Variants in CSMD1 observed in about 807,000 individuals in gnomAD.
CSMD1 encodes the protein CUB and sushi domain-containing protein 1.
A neutral mutation model predicts 417.5 loss-of-function variants in CSMD1; 213 were observed. The ratio of observed to expected loss-of-function variants is 0.51; its 90% CI spans 0.46 to 0.57. The LOEUF is 0.57. Among genes scored for constraint, CSMD1 ranks in the 20% least tolerant of loss-of-function variants. The pLI, the probability that CSMD1 is intolerant of heterozygous loss-of-function variation, is 0.00. For synonymous variants in CSMD1, 2,862 were observed against 1,736.8 expected (o/e 1.65, Z -16.11); for missense variants, 6,923 against 4,529.7 (o/e 1.53, Z -15.17).
At chr8:3,049,090 C>T (rs1019513242) in intron 50 of CSMD1, among the ~76,000 whole-genome samples, 10 of 152,110 alleles carry the variant, frequency 6.6e-5, no homozygotes, top group African/African-American at 2.4e-4. Flanking sequence ...ACCAGATGCT[C>T]GCGACAACGT....
intron 5 of CSMD1, among the ~76,000 whole-genome samples, chr8:3,754,499 G>A (rs1382590021): frequency 6.6e-6 from 1 of 151,874 alleles, no homozygotes; most frequent in South Asian, 2.1e-4. Context: ...GTGTCATCCA[G>A]GCTGGAGGGC....
chr8:3,400,132 T>C (rs1172435977), intron 15 of CSMD1, among the ~76,000 whole-genome samples: 1 of 152,136 alleles, frequency 6.6e-6, no homozygotes, highest in African/African-American at 2.4e-5. Flanking sequence ...AAAGGAGAAA[T>C]AAAGTTTGAA....
chr8:4,892,705 C>A (rs1207762098), intron 1 of CSMD1, among the ~76,000 whole-genome samples: 9 of 151,940 alleles, frequency 5.9e-5, no homozygotes, highest in Admixed American at 5.9e-4. Context: ...TGTACATTTA[C>A]TGATATATTG....
At chr8:4,229,980 T>C (rs1585061610) in intron 3 of CSMD1, among the ~76,000 whole-genome samples, 1 of 152,200 alleles carries the variant, frequency 6.6e-6, no homozygotes. Flanking sequence ...GCCGACATTA[T>C]AACACTTAAG....
At chr8:3,363,013 A>G (rs965649850) in intron 20 of CSMD1, among the ~76,000 whole-genome samples, 1 of 152,208 alleles carries the variant, frequency 6.6e-6, no homozygotes, top group African/African-American at 2.4e-5. Context: ...CAAGTTACTT[A>G]TGTTATCTGC....
intron 26 of CSMD1, among the ~76,000 whole-genome samples, chr8:3,236,613 G>A (rs1216216155): frequency 6.6e-6 from 1 of 152,156 alleles, no homozygotes; most frequent in East Asian, 1.9e-4. Context: ...ACTCCATTAG[G>A]GGCAGAAACT....
At position 3,052,623 on chromosome 8, in the gene CSMD1, G is replaced by A. The variant is rs1287314611; in HGVS notation, c.7499C>T (p.Ser2500Phe). The A allele has an allele frequency of 6.2e-7, 1 of 1,610,366 alleles. No individual in the cohort carries two copies. The highest frequency in any genetic ancestry group is 2.2e-5 in the East Asian group (1 of 44,752). The part of the protein sequence containing the change: ...CQAVSCGIPE[S>F]PGNGSFTGNE... ...CCCGGTAAATGAACCGTTTCCTGGG[G>A]ATTCTGGGATTCCACAGGACACAGC... Residue 2500 changes from serine to phenylalanine, a missense_variant, in exon 50 of 70, where the codon TCC (serine) becomes TTC (phenylalanine). Ser to Phe is a radical substitution (Grantham distance 155). Coordinates refer to ENST00000635120, the MANE Select transcript of CSMD1 (RefSeq NM_033225.6).
chr8:4,741,096 C>G (rs973333140), intron 1 of CSMD1, among the ~76,000 whole-genome samples: 6 of 152,252 alleles, frequency 3.9e-5, no homozygotes, highest in South Asian at 2.1e-4. Flanking sequence ...TAAATTGGCT[C>G]ACAAGATCCA....
chr8:4,380,883 T>A (rs1048893494), intron 3 of CSMD1, among the ~76,000 whole-genome samples: 9 of 152,282 alleles, frequency 5.9e-5, no homozygotes, highest in Non-Finnish European at 1.3e-4. Flanking sequence ...CTTTTTATAT[T>A]TTAGGTAGTA....
chr8:4,886,727 C>T (rs891133399), intron 1 of CSMD1, among the ~76,000 whole-genome samples: 7 of 151,892 alleles, frequency 4.6e-5, no homozygotes, highest in African/African-American at 1.5e-4. Context: ...TTTTGGTACT[C>T]GGTGTCTTCT....
chr8:4,615,271 C>T (rs528484676), intron 2 of CSMD1, among the ~76,000 whole-genome samples: 2 of 152,162 alleles, frequency 1.3e-5, no homozygotes, highest in African/African-American at 2.4e-5. Context: ...GAGCTTAAGG[C>T]ACTATGAAAT....
intron 2 of CSMD1, among the ~76,000 whole-genome samples, chr8:4,636,016 G>T (rs1037441880): frequency 6.6e-6 from 1 of 151,848 alleles, no homozygotes; most frequent in Non-Finnish European, 1.5e-5. Context: ...ATATATTAAT[G>T]AATATATTTT....
At chr8:4,018,485 G>C (rs1410849606) in intron 4 of CSMD1, among the ~76,000 whole-genome samples, 2 of 152,124 alleles carry the variant, frequency 1.3e-5, no homozygotes, top group Non-Finnish European at 1.5e-5. Flanking sequence ...ACAAGGAGCA[G>C]GTGGAGGAAG....
At chr8:4,036,829 G>A (rs977796592) in intron 3 of CSMD1, among the ~76,000 whole-genome samples, 4 of 152,228 alleles carry the variant, frequency 2.6e-5, no homozygotes, top group African/African-American at 7.2e-5. Context: ...TTCCTGACCA[G>A]GGCCACCACC....
intron 9 of CSMD1, among the ~76,000 whole-genome samples, chr8:3,580,575 A>T (rs1371407571): frequency 1.3e-5 from 2 of 152,230 alleles, no homozygotes; most frequent in Non-Finnish European, 2.9e-5. Context: ...CCAATAACTT[A>T]GTAAAAATAA....
At chr8:3,298,444 A>T (rs1332540298) in intron 25 of CSMD1, among the ~76,000 whole-genome samples, 2 of 151,004 alleles carry the variant, frequency 1.3e-5, no homozygotes, top group Non-Finnish European at 2.9e-5. Context: ...ATAATTAATA[A>T]AACTGTACAA....
At chr8:4,754,963 C>G (rs1052931419) in intron 1 of CSMD1, among the ~76,000 whole-genome samples, 2 of 151,952 alleles carry the variant, frequency 1.3e-5, no homozygotes, top group Non-Finnish European at 2.9e-5. Context: ...ATAGTGAAAC[C>G]CTGTCTCTAC....
chr8:4,921,630 G>T (rs543939121), intron 1 of CSMD1, among the ~76,000 whole-genome samples: 15 of 152,232 alleles, frequency 9.9e-5, no homozygotes, highest in African/African-American at 3.4e-4. Context: ...ATAATGGAAG[G>T]ATAACCAACA....
At chr8:3,257,628 C>T (rs1015914490) in intron 26 of CSMD1, among the ~76,000 whole-genome samples, 1 of 152,090 alleles carries the variant, frequency 6.6e-6, no homozygotes, top group Non-Finnish European at 1.5e-5. Flanking sequence ...AAGATAGAGA[C>T]AGAATCAGCC....
Sources: allele counts gnomAD v4.1 joint callset (sites outside exome capture counted in the v4.1 genomes callset), GRCh38; gene constraint gnomAD v4.1.1; transcripts MANE v1.5; gene names NCBI Gene and HGNC (gene_info 2026-07-23, HGNC 2026-07-21).